CLNK: variants seen among roughly 807,000 people sequenced by gnomAD.
CLNK encodes cytokine-dependent hematopoietic cell linker.
CLNK carries 74 observed loss-of-function variants against 68.6 expected under a neutral mutation model. The ratio of observed to expected loss-of-function variants is 1.08; its 90% CI spans 0.89 to 1.31. CLNK has a LOEUF of 1.31. Among genes scored for constraint, CLNK ranks in the 50% most tolerant of loss-of-function variants. The pLI, the probability that CLNK is intolerant of heterozygous loss-of-function variation, is 0.00. For synonymous variants in CLNK, 198 were observed against 172.2 expected, an observed-to-expected ratio of 1.15 and a Z score of -1.17; for missense variants, 553 against 515.3, an observed-to-expected ratio of 1.07 and a Z score of -0.71.
chr4:10,562,114 T>TG (rs1719916009), intron 7 of CLNK, among the ~76,000 whole-genome samples: 1 of 149,784 alleles, frequency 6.7e-6, no homozygotes, highest in Admixed American at 6.6e-5. Context: ...TTTTTTTTTT[T>TG]TTTTGAGACA....
At chr4:10,501,707 A>T (rs1717060003) in intron 17 of CLNK, among the ~76,000 whole-genome samples, 1 of 152,134 alleles carries the variant, frequency 6.6e-6, no homozygotes, top group African/African-American at 2.4e-5. Flanking sequence ...CAGGCGGATC[A>T]CCGGAGGTCA....
chr4:10,568,237 G>T (rs1488187903), intron 5 of CLNK, among the ~76,000 whole-genome samples: 1 of 152,122 alleles, frequency 6.6e-6, no homozygotes, highest in Non-Finnish European at 1.5e-5. Context: ...GCTATAACAT[G>T]GATAAGCCTT....
intron 2 of CLNK, among the ~76,000 whole-genome samples, chr4:10,636,337 G>A (rs939583188): frequency 6.6e-6 from 1 of 152,176 alleles, no homozygotes; most frequent in African/African-American, 2.4e-5. Context: ...AAGACACAGA[G>A]AGAAAAGATG....
chr4:10,649,922 C>G (rs1470248405), intron 2 of CLNK, among the ~76,000 whole-genome samples: 1 of 151,712 alleles, frequency 6.6e-6, no homozygotes, highest in East Asian at 1.9e-4. Flanking sequence ...AAAGTGAGAA[C>G]TAGAAGAAAT....
chr4:10,518,050 T>G (rs1290850964), intron 15 of CLNK, among the ~76,000 whole-genome samples: 2 of 151,932 alleles, frequency 1.3e-5, no homozygotes, highest in African/African-American at 2.4e-5. Context: ...TCAAGTTTTA[T>G]AACCCCATGA....
chr4:10,548,159 T>G (rs1242954876), intron 8 of CLNK, among the ~76,000 whole-genome samples: 1 of 152,184 alleles, frequency 6.6e-6, no homozygotes, highest in Non-Finnish European at 1.5e-5. Context: ...TGCCATCTTT[T>G]GTTTTTTGTG....
the CLNK span, among the ~76,000 whole-genome samples, chr4:10,729,082 T>A: frequency 1.3e-5 from 2 of 152,196 alleles, no homozygotes; most frequent in African/African-American, 4.8e-5. Flanking sequence ...TAATATATAA[T>A]CCTTGTTAAT....
the CLNK span, among the ~76,000 whole-genome samples, chr4:10,694,352 G>A: frequency 1.3e-5 from 2 of 152,110 alleles, no homozygotes; most frequent in South Asian, 2.1e-4. Context: ...GGCTGGGGAT[G>A]GGCTTAGACC....
At chr4:10,665,373 A>T (rs1437600445) in intron 2 of CLNK, among the ~76,000 whole-genome samples, 3 of 152,196 alleles carry the variant, frequency 2.0e-5, no homozygotes, top group African/African-American at 7.2e-5. Context: ...TGGAATCATT[A>T]AAAGACATAG....
At chr4:10,659,418 C>T (rs888469945) in intron 2 of CLNK, among the ~76,000 whole-genome samples, 5 of 152,166 alleles carry the variant, frequency 3.3e-5, no homozygotes, top group African/African-American at 4.8e-5. Context: ...AAATGAGACT[C>T]AGGGAGGCTA....
intron 13 of CLNK, among the ~76,000 whole-genome samples, chr4:10,527,676 G>C (rs183943104): frequency 1.3e-5 from 2 of 152,184 alleles, no homozygotes; most frequent in Non-Finnish European, 2.9e-5. Context: ...GTATGGGCAC[G>C]TGTGTACATG....
intron 8 of CLNK, among the ~76,000 whole-genome samples, chr4:10,547,373 G>T (rs1483002630): frequency 6.6e-6 from 1 of 152,090 alleles, no homozygotes; most frequent in East Asian, 1.9e-4. Flanking sequence ...TGAATTTGGG[G>T]ATAAGTACAT....
Position 10,508,010 on chromosome 4 carries a change from A to G in CLNK, c.933T>C (p.Ile311=). ...RKDVQHNEWY[I]GEYSRQAVEE... Reference sequence around the variant, plus strand: ...CCACTGCCTGGCGGCTGTATTCTCCAATGTACCATTCATTGTGCTGGACAT... The same window carrying G: ...CCACTGCCTGGCGGCTGTATTCTCCGATGTACCATTCATTGTGCTGGACAT... Residue 311 remains isoleucine (I), a synonymous_variant, in exon 17 of 19, where the codon ATT becomes ATC. Coordinates refer to ENST00000226951, the MANE Select transcript of CLNK (RefSeq NM_052964.4). The G allele has an allele frequency of 6.2e-7, 1 of 1,611,560 alleles. No homozygotes were observed. Among genetic ancestry groups the G allele is most frequent in the Non-Finnish European group, 8.5e-7 (1 of 1,178,898 alleles).
chr4:10,612,541 T>C (rs1722071973), intron 2 of CLNK, among the ~76,000 whole-genome samples: 1 of 152,234 alleles, frequency 6.6e-6, no homozygotes, highest in African/African-American at 2.4e-5. Flanking sequence ...AACACCTGAA[T>C]GGCATTCAGT....
At chr4:10,655,836 A>T (rs2108885534) in intron 2 of CLNK, among the ~76,000 whole-genome samples, 1 of 151,852 alleles carries the variant, frequency 6.6e-6, no homozygotes, top group East Asian at 1.9e-4. Flanking sequence ...TTTTTAGTAG[A>T]GATGGGGTTT....
the CLNK span, among the ~76,000 whole-genome samples, chr4:10,731,517 A>G: frequency 1.3e-5 from 2 of 152,218 alleles, no homozygotes; most frequent in Admixed American, 6.5e-5. Context: ...ACTTCAAAGA[A>G]AGACAGATTC....
rs1716434055 is a variant in CLNK, at chr4:10,488,334, G to GGC, written c.*2131_*2132dup. The GGC allele has an allele frequency of 6.6e-6, 1 of 152,178 alleles. No individual in the cohort carries two copies. The highest frequency in any genetic ancestry group is 1.5e-5 in the Non-Finnish European group (1 of 68,032). The allele number at this position is 152,178 out of a possible 1,614,324, so 9.4% of individuals were successfully genotyped here. ...ATTTCTTGAGAACATAGCATTGAAT[G>GGC]GCATGGCCTCAATGAATCAGTGAGT... On this transcript the variant is annotated 3_prime_UTR_variant, in exon 19 of 19. Transcript: ENST00000226951.
At chr4:10,547,352 C>T (rs780192942) in intron 8 of CLNK, among the ~76,000 whole-genome samples, 1 of 152,156 alleles carries the variant, frequency 6.6e-6, no homozygotes, top group Admixed American at 6.5e-5. Flanking sequence ...ATTTACTGTA[C>T]ACATTAAGAT....
At chr4:10,529,712 A>G (rs751042139) in intron 12 of CLNK, among the ~76,000 whole-genome samples, 6 of 152,144 alleles carry the variant, frequency 3.9e-5, no homozygotes, top group Admixed American at 2.6e-4. Flanking sequence ...AAAGTGCTCA[A>G]TCGGATGCAG....
Sources: allele counts gnomAD v4.1 joint callset (sites outside exome capture counted in the v4.1 genomes callset), GRCh38; gene constraint gnomAD v4.1.1; transcripts MANE v1.5; gene names NCBI Gene and HGNC (gene_info 2026-07-23, HGNC 2026-07-21).